OTOGL: variants seen among roughly 807,000 people sequenced by gnomAD.
OTOGL encodes otogelin-like protein.
OTOGL carries 285 observed loss-of-function variants against 318.5 expected under a neutral mutation model. The observed-to-expected ratio is 0.89, with a 90% CI of 0.81 to 0.99. The LOEUF is 0.99. Among genes scored for constraint, OTOGL ranks in the 50% least tolerant of loss-of-function variants. The pLI is 0.00. For missense variants in OTOGL, 2,899 were observed against 2,845.6 expected, an observed-to-expected ratio of 1.02 and a Z score of -0.43; for synonymous variants, 987 against 936.5, an observed-to-expected ratio of 1.05 and a Z score of -0.99.
rs1474939962 is a variant in OTOGL at position 80,209,643 on chromosome 12, C to T, written c.79+133C>T. 2.3e-5 allele frequency: 11 copies of T among 482,542 alleles called. 1 individual carries two copies. The highest frequency in any genetic ancestry group is 2.0e-5 in the African/African-American group (1 of 50,856). The allele number at this position is 482,542 out of a possible 1,614,324, so 29.9% of individuals were successfully genotyped here. A position where few individuals can be genotyped will look rare whatever the true frequency, so the allele number is the denominator to read the frequency against. On this transcript the variant is annotated intron_variant, in intron 2 of 58. Coordinates refer to ENST00000547103, the MANE Select transcript of OTOGL (RefSeq NM_001378609.3). ...ATTGTACTAAATGATACTCAGATCA[C>T]CTTTTAAAAAATTCTTAATAATGTA...
chr12:80,139,305 C>A (rs763320141), intron 1 of OTOGL, among the ~76,000 whole-genome samples: 16 of 152,102 alleles, frequency 1.1e-4, no homozygotes, highest in African/African-American at 1.7e-4. Context: ...ACTCTGTAAG[C>A]CTTTTTTAAA....
chr12:80,156,460 T>A lies in OTOGL; in HGVS notation c.-19-52953T>A, dbSNP rs1231959875. 2.0e-5 allele frequency among the ~76,000 whole-genome samples: 3 copies of A among 152,190 alleles called. No individual in the cohort carries two copies. In the East Asian group the frequency reaches 5.8e-4, roughly 29 times the overall value. On this transcript the variant is annotated intron_variant, in intron 1 of 58. Coordinates refer to ENST00000547103, the MANE Select transcript of OTOGL (RefSeq NM_001378609.3). ...TTCTGTCCCTCTAGAGAACCCTGAC[T>A]AATACACCATTCATCTGTTGATGGA...
chr12:80,364,186 A>G (rs1202238229), intron 52 of OTOGL, among the ~76,000 whole-genome samples: 1 of 152,164 alleles, frequency 6.6e-6, no homozygotes, highest in Non-Finnish European at 1.5e-5. Context: ...CCAAATATAC[A>G]TAACCCTTCA....
chr12:80,359,508 C>T (rs1890116156), intron 52 of OTOGL, among the ~76,000 whole-genome samples: 1 of 152,196 alleles, frequency 6.6e-6, no homozygotes, highest in Admixed American at 6.5e-5. Context: ...GAGAAGACAA[C>T]GTTTTATTTC....
intron 1 of OTOGL, among the ~76,000 whole-genome samples, chr12:80,168,660 G>C (rs1404073413): frequency 6.6e-6 from 1 of 152,180 alleles, no homozygotes; most frequent in African/African-American, 2.4e-5. Flanking sequence ...GGCAGTCATT[G>C]TTGGCAGACG....
intron 1 of OTOGL, among the ~76,000 whole-genome samples, chr12:80,192,755 G>A (rs534619501): frequency 1.6e-3 from 86 of 52,900 alleles, no homozygotes; most frequent in African/African-American, 2.8e-3. Context: ...GGGAAATACC[G>A]TCAAATTAAA....
At chr12:80,261,020 G>A (rs1882483202) in intron 18 of OTOGL, among the ~76,000 whole-genome samples, 1 of 152,128 alleles carries the variant, frequency 6.6e-6, no homozygotes, top group Non-Finnish European at 1.5e-5. Context: ...ATAGGAAAAG[G>A]AGAGAAGGAC....
chr12:80,313,560 A>G lies in OTOGL; in HGVS notation c.3535A>G (p.Ser1179Gly). 1 of 1,612,048 alleles carries G rather than the reference A, an allele frequency of 6.2e-7. No individual in the cohort carries two copies. The highest frequency in any genetic ancestry group is 8.5e-7 in the Non-Finnish European group (1 of 1,178,244). ...LGGDCECLCT[S>G]IAAYAYKCCQ... ...TGGCGACTGTGAGTGTTTGTGCACT[A>G]GTATAGCTGCATATGCATACAAGTG... Residue 1179 changes from serine to glycine, a missense_variant, in exon 31 of 59, where the codon AGT (serine) becomes GGT (glycine). Transcript: ENST00000547103.
chr12:80,099,997 A>C (rs1038734239), intron 1 of OTOGL, among the ~76,000 whole-genome samples: 6 of 152,168 alleles, frequency 3.9e-5, no homozygotes, highest in Admixed American at 2.0e-4. Flanking sequence ...TAATTCATTA[A>C]CTGAAAGTCA....
At chr12:80,175,588 C>G (rs1874475372) in intron 1 of OTOGL, among the ~76,000 whole-genome samples, 1 of 152,134 alleles carries the variant, frequency 6.6e-6, no homozygotes, top group South Asian at 2.1e-4. Flanking sequence ...TCTAGGAAAG[C>G]AAATTCTTCT....
intron 1 of OTOGL, among the ~76,000 whole-genome samples, chr12:80,110,039 A>C (rs1480388262): frequency 6.7e-6 from 1 of 149,612 alleles, no homozygotes; most frequent in Non-Finnish European, 1.5e-5. Flanking sequence ...TCAACCTGTC[A>C]TCTACATTAG....
intron 1 of OTOGL, among the ~76,000 whole-genome samples, chr12:80,106,250 T>G (rs1432310514): frequency 1.3e-5 from 2 of 152,252 alleles, no homozygotes; most frequent in East Asian, 3.9e-4. Context: ...TTGAAATCAT[T>G]TTTTCCTGCC....
chr12:80,347,815 A>C (rs1889293307), intron 44 of OTOGL, among the ~76,000 whole-genome samples: 1 of 152,052 alleles, frequency 6.6e-6, no homozygotes, highest in South Asian at 2.1e-4. Context: ...TGCCATTCTA[A>C]CTGGTGTGAG....
chr12:80,372,635 A>G (rs1361010570), intron 57 of OTOGL, among the ~76,000 whole-genome samples: 2 of 152,026 alleles, frequency 1.3e-5, no homozygotes, highest in Non-Finnish European at 2.9e-5. Flanking sequence ...AATTAAAGCT[A>G]TCTGAATGCA....
chr12:80,239,089 A>T, intron 10 of OTOGL, 111 bp downstream of exon 10: 1 of 1,260,838 alleles, frequency 7.9e-7, no homozygotes, highest in Non-Finnish European at 1.0e-6. Flanking sequence ...TAAAAATATT[A>T]TATCCAGGAA....
intron 32 of OTOGL, among the ~76,000 whole-genome samples, chr12:80,315,958 T>C (rs1886945476): frequency 6.6e-6 from 1 of 152,182 alleles, no homozygotes; most frequent in Admixed American, 6.5e-5. Flanking sequence ...TGTCTAATAA[T>C]AACAACAGTA....
At chr12:80,297,079 T>G in intron 27 of OTOGL, 118 bp downstream of exon 27, 1 of 1,016,022 alleles carries the variant, frequency 9.8e-7, no homozygotes, top group Non-Finnish European at 1.3e-6. Context: ...TGTTGTGTTT[T>G]GTTTTCATTT....
chr12:80,117,361 T>C (rs545909507), intron 1 of OTOGL, among the ~76,000 whole-genome samples: 1 of 152,328 alleles, frequency 6.6e-6, no homozygotes, highest in Non-Finnish European at 1.5e-5. Flanking sequence ...GCAGTAATTA[T>C]TCAATTCATT....
At chr12:80,258,326 A>G (rs985347376) in intron 18 of OTOGL, among the ~76,000 whole-genome samples, 4 of 152,038 alleles carry the variant, frequency 2.6e-5, no homozygotes, top group African/African-American at 7.2e-5. Flanking sequence ...CCATCTACCA[A>G]CCTTAACAGT....
Sources: allele counts gnomAD v4.1 joint callset (sites outside exome capture counted in the v4.1 genomes callset), GRCh38; gene constraint gnomAD v4.1.1; transcripts MANE v1.5; gene names NCBI Gene and HGNC (gene_info 2026-07-23, HGNC 2026-07-21).